The following NCKAP5 variants were observed in gnomAD, a reference collection of about 807,000 sequenced individuals.
NCKAP5 encodes nck-associated protein 5.
In NCKAP5, 92 loss-of-function variants were observed where a neutral mutation model predicts 167.0. The observed-to-expected ratio is 0.55, with a 90% CI of 0.47 to 0.66. The LOEUF (loss-of-function observed/expected upper bound fraction) is 0.66, where lower values mean the gene tolerates loss of function less well. Among genes scored for constraint, NCKAP5 ranks in the 30% least tolerant of loss-of-function variants. The pLI, the probability that NCKAP5 is intolerant of heterozygous loss-of-function variation, is 0.00. For synonymous variants in NCKAP5, 891 were observed against 877.4 expected, an observed-to-expected ratio of 1.02 and a Z score of -0.27; for missense variants, 2,378 against 2,315.0, an observed-to-expected ratio of 1.03 and a Z score of -0.56.
chr2:132,954,978 T>C (rs1427558754), intron 8 of NCKAP5, among the ~76,000 whole-genome samples: 1 of 152,146 alleles, frequency 6.6e-6, no homozygotes, highest in Non-Finnish European at 1.5e-5. Flanking sequence ...TGTAAAACAA[T>C]CAAGAGAAAG....
At chr2:132,920,745 GTATATATATATGTA>G (rs1695305558) in intron 8 of NCKAP5, among the ~76,000 whole-genome samples, 1 of 64,728 alleles carries the variant, frequency 1.5e-5, no homozygotes, top group Non-Finnish European at 2.5e-5. Flanking sequence ...ATATATATGT[GTATATATATATGTA>G]TATATATGTA....
chr2:132,697,154 C>T (rs187576397), intron 19 of NCKAP5, among the ~76,000 whole-genome samples: 1,244 of 118,794 alleles, frequency 0.01, 17 homozygotes, highest in South Asian at 0.059. Context: ...TCTCTAAGTG[C>T]TGGGATTACA....
chr2:133,469,882 C>G (rs1303353053), intron 3 of NCKAP5, among the ~76,000 whole-genome samples: 4 of 149,960 alleles, frequency 2.7e-5, no homozygotes, highest in South Asian at 2.1e-4. Context: ...AAGCACTTCT[C>G]TGTATTGGTT....
intron 17 of NCKAP5, among the ~76,000 whole-genome samples, chr2:132,730,450 G>A (rs1690885850): frequency 6.6e-6 from 1 of 152,156 alleles, no homozygotes; most frequent in Admixed American, 6.5e-5. Context: ...AGCCAGGATT[G>A]CACCATTGCA....
intron 12 of NCKAP5, among the ~76,000 whole-genome samples, chr2:132,793,276 G>A (rs1348851480): frequency 6.6e-6 from 1 of 152,198 alleles, no homozygotes; most frequent in African/African-American, 2.4e-5. Flanking sequence ...CCAAAGTGCT[G>A]GGATTACAGG....
chr2:132,801,387 A>C (rs183292607), intron 11 of NCKAP5, among the ~76,000 whole-genome samples: 1 of 152,294 alleles, frequency 6.6e-6, no homozygotes, highest in Non-Finnish European at 1.5e-5. Context: ...CCACTCAAGA[A>C]ACATGCATGT....
intron 8 of NCKAP5, among the ~76,000 whole-genome samples, chr2:132,956,666 C>G (rs1318779302): frequency 6.6e-6 from 1 of 152,134 alleles, no homozygotes; most frequent in Non-Finnish European, 1.5e-5. Flanking sequence ...CCATGTCTGA[C>G]CCACTTCAGG....
intron 4 of NCKAP5, among the ~76,000 whole-genome samples, chr2:133,254,116 T>A (rs2088495977): frequency 6.6e-6 from 1 of 152,252 alleles, no homozygotes; most frequent in South Asian, 2.1e-4. Flanking sequence ...TCTCCCAATA[T>A]TCATGACCTG....
chr2:133,064,503 A>AG (rs149169078), intron 6 of NCKAP5, among the ~76,000 whole-genome samples: 1 of 152,178 alleles, frequency 6.6e-6, no homozygotes, highest in African/African-American at 2.4e-5. Flanking sequence ...GAAAAAAAAA[A>AG]CAGATTAAGA....
intron 19 of NCKAP5, among the ~76,000 whole-genome samples, chr2:132,693,824 C>T (rs1687044382): frequency 6.6e-6 from 1 of 151,822 alleles, no homozygotes; most frequent in Non-Finnish European, 1.5e-5. Flanking sequence ...TGGGGTTTCA[C>T]TATATTGGCC....
At chr2:132,996,919 G>A (rs1323972193) in intron 6 of NCKAP5, among the ~76,000 whole-genome samples, 2 of 152,306 alleles carry the variant, frequency 1.3e-5, no homozygotes, top group African/African-American at 2.4e-5. Context: ...CCCTGAACAC[G>A]ATGCTCTCTG....
chr2:133,586,175 A>G, the NCKAP5 span, among the ~76,000 whole-genome samples: 3 of 152,210 alleles, frequency 2.0e-5, no homozygotes, highest in East Asian at 5.8e-4. Flanking sequence ...AATCTCATTC[A>G]ATACTTAAGT....
At chr2:133,151,355 A>G (rs2083378455) in intron 5 of NCKAP5, among the ~76,000 whole-genome samples, 1 of 152,192 alleles carries the variant, frequency 6.6e-6, no homozygotes, top group South Asian at 2.1e-4. Context: ...TAAGAGAATG[A>G]AAAGACAAGC....
At position 133,481,338 on chromosome 2, in the gene NCKAP5, TTTGTG is replaced by T. The variant is rs1559516836; in HGVS notation, c.69+36115_69+36119del. On this transcript the variant is annotated intron_variant, in intron 3 of 19. Transcript: ENST00000409261. ...GCTAAGATTATATATGATTTTTAAATTTGTGCAAATCTATAGGATGTGTGATAAGA... is the reference window on the plus strand; with the variant it reads ...GCTAAGATTATATATGATTTTTAAATCAAATCTATAGGATGTGTGATAAGA... 5.3e-5 allele frequency among the ~76,000 whole-genome samples: 8 copies of T among 152,292 alleles called. 1 individual carries two copies. In the South Asian group the frequency reaches 1.7e-3, roughly 32 times the overall value.
chr2:133,603,022 C>G, the NCKAP5 span, among the ~76,000 whole-genome samples: 75 of 152,222 alleles, frequency 4.9e-4, no homozygotes, highest in Admixed American at 1.1e-3. Flanking sequence ...CACTTACCCC[C>G]TCACATACAC....
intron 3 of NCKAP5, among the ~76,000 whole-genome samples, chr2:133,439,024 G>C (rs1000067909): frequency 2.0e-5 from 3 of 152,188 alleles, no homozygotes; most frequent in African/African-American, 7.2e-5. Context: ...GTTTGATCTT[G>C]TTACAATTTC....
intron 19 of NCKAP5, among the ~76,000 whole-genome samples, chr2:132,720,568 A>G (rs1689812053): frequency 6.6e-6 from 1 of 152,188 alleles, no homozygotes; most frequent in Admixed American, 6.5e-5. Flanking sequence ...TGCTGTGACC[A>G]GCAGGGTGAG....
intron 11 of NCKAP5, among the ~76,000 whole-genome samples, chr2:132,805,727 AT>A (rs575729488): frequency 9.3e-5 from 14 of 151,318 alleles, no homozygotes; most frequent in Non-Finnish European, 1.8e-4. Flanking sequence ...AAGTGTTTAC[AT>A]TATTATTATT....
At chr2:133,032,478 G>A (rs763487152) in intron 6 of NCKAP5, among the ~76,000 whole-genome samples, 1 of 152,166 alleles carries the variant, frequency 6.6e-6, no homozygotes, top group Non-Finnish European at 1.5e-5. Flanking sequence ...TAAGGTTTCT[G>A]ATTCTAGTCC....
Sources: allele counts gnomAD v4.1 joint callset (sites outside exome capture counted in the v4.1 genomes callset), GRCh38; gene constraint gnomAD v4.1.1; transcripts MANE v1.5; gene names NCBI Gene and HGNC (gene_info 2026-07-23, HGNC 2026-07-21).